The following ARHGEF33 variants were observed in gnomAD, a reference collection of about 807,000 sequenced individuals.
The protein encoded by ARHGEF33 is Rho guanine nucleotide exchange factor 33, also known as DH and coiled-coil domain-containing protein ENSP00000381780.
ARHGEF33 carries 72 observed loss-of-function variants against 101.9 expected under a neutral mutation model. That is an observed-to-expected ratio of 0.71 (90% CI 0.58 to 0.86). The LOEUF (loss-of-function observed/expected upper bound fraction) is 0.86. ARHGEF33 is among the 40% of genes least tolerant of loss of function. ARHGEF33 has a pLI of 0.00. For missense variants in ARHGEF33, 1,169 were observed against 1,111.3 expected (o/e 1.05, Z -0.74); for synonymous variants, 499 against 442.5 (o/e 1.13, Z -1.60).
At chr2:38,894,235 G>A (rs1387934163) in intron 1 of ARHGEF33, among the ~76,000 whole-genome samples, 2 of 152,000 alleles carry the variant, frequency 1.3e-5, no homozygotes, top group African/African-American at 4.8e-5. Context: ...CAGAGGCTGA[G>A]GCAGGAGGAT....
chr2:38,891,009 G>A (rs1665984455), intron 1 of ARHGEF33, among the ~76,000 whole-genome samples: 1 of 149,574 alleles, frequency 6.7e-6, no homozygotes, highest in South Asian at 2.1e-4. Context: ...TTTAGACAAG[G>A]TCTCACTTTG....
chr2:38,914,726 C>T (rs1432177533), intron 2 of ARHGEF33, among the ~76,000 whole-genome samples: 1 of 151,106 alleles, frequency 6.6e-6, no homozygotes, highest in Non-Finnish European at 1.5e-5. Flanking sequence ...GAGAGATTGC[C>T]ACAATGTATT....
At chr2:38,902,862 A>G (rs934003393) in intron 2 of ARHGEF33, among the ~76,000 whole-genome samples, 2 of 152,116 alleles carry the variant, frequency 1.3e-5, no homozygotes, top group Non-Finnish European at 2.9e-5. Context: ...AAAGCAGTGA[A>G]AGGGAGATAG....
intron 2 of ARHGEF33, among the ~76,000 whole-genome samples, chr2:38,907,673 C>G (rs1045378054): frequency 2.6e-5 from 4 of 152,176 alleles, no homozygotes; most frequent in African/African-American, 4.8e-5. Context: ...AGGGAGTTGT[C>G]TCTGGAGCTC....
intron 2 of ARHGEF33, among the ~76,000 whole-genome samples, chr2:38,899,095 G>A (rs1257457652): frequency 2.0e-5 from 3 of 151,640 alleles, no homozygotes; most frequent in African/African-American, 4.8e-5. Context: ...TTTTTTTTAG[G>A]GAAAGAAATA....
rs1025027992 is a variant in ARHGEF33 at position 38,929,719 on chromosome 2, G to A, written c.251G>A (p.Ser84Asn). The change falls in exon 6 of 18, where the codon AGC becomes AAC. Residue 84 changes from serine (S) to asparagine (N), a missense_variant. Transcript: ENST00000409978. The part of the protein sequence containing the change: ...NSLNYFKEEL[S>N]NAMSMIQAIT... ...ATTCTTATTTTTTAGGAAGAGCTGA[G>A]CAATGCCATGTCGATGATCCAAGCC... The A allele has an allele frequency of 6.4e-7, 1 of 1,551,670 alleles. No individual in the cohort carries two copies. The highest frequency in any genetic ancestry group is 8.7e-7 in the Non-Finnish European group (1 of 1,146,826).
chr2:38,973,364 T>A (rs1668207558), intron 17 of ARHGEF33: 1 of 154,244 alleles, frequency 6.5e-6, no homozygotes, highest in South Asian at 2.0e-4. Flanking sequence ...TCCATTTTAA[T>A]TTAAGATCCT....
intron 16 of ARHGEF33, among the ~76,000 whole-genome samples, chr2:38,962,659 T>C (rs1667970242): frequency 1.3e-5 from 2 of 151,994 alleles, no homozygotes; most frequent in South Asian, 2.1e-4. Context: ...TTTTCAAGCA[T>C]GCAAAGTTCC....
chr2:38,957,951 CTCTA>C (rs1667811211), intron 14 of ARHGEF33, 79 bp from the exon 15 acceptor site: 1 of 1,466,416 alleles, frequency 6.8e-7, no homozygotes, highest in Non-Finnish European at 9.3e-7. Flanking sequence ...TGAGACATCT[CTCTA>C]TCTTTTTTGG....
chr2:38,899,731 T>C (rs532545451), intron 2 of ARHGEF33, among the ~76,000 whole-genome samples: 4 of 152,310 alleles, frequency 2.6e-5, no homozygotes, highest in Non-Finnish European at 5.9e-5. Context: ...ATGACAAGTA[T>C]ATAAGGTGAC....
In ARHGEF33 at chr2:38,960,464, G is replaced by C; in HGVS notation, c.2159G>C (p.Gly720Ala). Residue 720 changes from glycine to alanine, a missense_variant, in exon 16 of 18, where the codon GGC (glycine) becomes GCC (alanine). Coordinates refer to ENST00000409978, the MANE Select transcript of ARHGEF33 (RefSeq NM_001145451.5). Reference protein sequence around the residue: ...KEFPRAPPADGVAPRLYSTRS... With the variant: ...KEFPRAPPADAVAPRLYSTRS... ...TTCCCGCGTGCGCCGCCAGCCGACG[G>C]CGTGGCCCCACGCCTCTACAGCACG... 1 of 1,494,034 alleles carries C rather than the reference G, an allele frequency of 6.7e-7. No homozygotes were observed. The highest frequency in any genetic ancestry group is 8.9e-7 in the Non-Finnish European group (1 of 1,128,288). The allele number at this position is 1,494,034 out of a possible 1,614,324, so 92.5% of individuals were successfully genotyped here. A position where few individuals can be genotyped will look rare whatever the true frequency, so the allele number is the denominator to read the frequency against.
chr2:38,960,264 C>T lies in ARHGEF33; in HGVS notation c.1959C>T (p.Asp653=), dbSNP rs1242448196. 3.2e-6 allele frequency: 5 copies of T among 1,548,058 alleles called. No homozygotes were observed. In the Middle Eastern group the frequency reaches 6.7e-4, roughly 208 times the overall value. Residue 653 remains aspartate, a synonymous_variant, in exon 16 of 18, where the codon GAC becomes GAT. Transcript: ENST00000409978. The stretch of plus-strand genomic sequence containing the variant: ...CTGCCTCCTCCGAGTCCAGCCTGGA[C>T]ATCTGCTTCCTGCGGCCCGTCAGCT... ...CSPASSESSL[D]ICFLRPVSFA... is the part of the protein sequence containing the mutation.
chr2:38,961,021 C>T (rs907579244), intron 16 of ARHGEF33, among the ~76,000 whole-genome samples: 6 of 152,100 alleles, frequency 3.9e-5, no homozygotes, highest in African/African-American at 1.4e-4. Flanking sequence ...TGAAGAGTTG[C>T]ACTTTTTTCA....
At chr2:38,934,151 T>C (rs1667071285) in intron 7 of ARHGEF33, among the ~76,000 whole-genome samples, 1 of 152,212 alleles carries the variant, frequency 6.6e-6, no homozygotes, top group Non-Finnish European at 1.5e-5. Context: ...CTTTCATCCT[T>C]ACCACTCCTG....
chr2:38,907,860 ATTT>A (rs553491008), intron 2 of ARHGEF33, among the ~76,000 whole-genome samples: 2 of 131,716 alleles, frequency 1.5e-5, no homozygotes, highest in African/African-American at 2.8e-5. Context: ...CTCTGGGAGG[ATTT>A]TTTTTTTTTT....
intron 4 of ARHGEF33, among the ~76,000 whole-genome samples, chr2:38,923,144 T>C (rs571457050): frequency 6.6e-6 from 1 of 152,344 alleles, no homozygotes; most frequent in African/African-American, 2.4e-5. Flanking sequence ...ATTATCTTAT[T>C]GCACTACAAA....
Position 38,960,116 on chromosome 2 carries a change from A to G in ARHGEF33, c.1811A>G (p.Asp604Gly), listed in dbSNP as rs1016193590. 39 of 1,542,222 alleles carry G rather than the reference A, an allele frequency of 2.5e-5. No homozygotes were observed. The highest frequency in any genetic ancestry group is 3.1e-5 in the Non-Finnish European group (35 of 1,145,342). ...SLRAPAELLPDARGFVPAAYE... is the reference protein window; with the variant it reads ...SLRAPAELLPGARGFVPAAYE... ...CGCGCCCCGGCCGAGCTCCTGCCCG[A>G]TGCCCGCGGCTTCGTGCCCGCGGCC... The change falls in exon 16 of 18, where the codon GAT becomes GGT. Residue 604 changes from aspartate (D) to glycine (G), a missense_variant. Transcript: ENST00000409978.
chr2:38,941,115 A>G (rs1667296601), intron 9 of ARHGEF33, among the ~76,000 whole-genome samples: 1 of 152,250 alleles, frequency 6.6e-6, no homozygotes, highest in South Asian at 2.1e-4. Flanking sequence ...AACTATGCCT[A>G]CATCTTAGTG....
chr2:38,928,516 A>G (rs1367883459), intron 4 of ARHGEF33, among the ~76,000 whole-genome samples: 2 of 152,246 alleles, frequency 1.3e-5, no homozygotes, highest in African/African-American at 2.4e-5. Flanking sequence ...CATAATAACC[A>G]GAGAGAATAT....
Sources: gnomAD v4.1 joint callset for allele counts (sites outside exome capture counted in the v4.1 genomes callset) on GRCh38, gnomAD v4.1.1 for gene constraint, MANE v1.5 for transcripts, NCBI Gene and HGNC (gene_info 2026-07-23, HGNC 2026-07-21) for gene names.